The following CSMD3 variants were observed in gnomAD, a reference collection of about 807,000 sequenced individuals.
CSMD3 encodes the protein CUB and Sushi multiple domains 3.
In CSMD3, 177 loss-of-function variants were observed where a neutral mutation model predicts 435.2. The ratio of observed to expected loss-of-function variants is 0.41; its 90% CI spans 0.36 to 0.46. The LOEUF (loss-of-function observed/expected upper bound fraction) is 0.46. Ranked by LOEUF, CSMD3 falls within the 20% of genes least tolerant of loss-of-function variation. The pLI, the probability that CSMD3 is intolerant of heterozygous loss-of-function variation, is 0.34. For synonymous variants in CSMD3, 1,656 were observed against 1,520.5 expected (o/e 1.09, Z -2.07); for missense variants, 4,265 against 4,504.6 (o/e 0.95, Z 1.52).
intron 1 of CSMD3, among the ~76,000 whole-genome samples, chr8:113,321,523 T>C (rs1486909192): frequency 6.6e-6 from 1 of 152,172 alleles, no homozygotes; most frequent in Non-Finnish European, 1.5e-5. Flanking sequence ...CTTTTCTTTA[T>C]TGATACTTCT....
chr8:113,042,400 C>A (rs2087660800), intron 5 of CSMD3, among the ~76,000 whole-genome samples: 1 of 152,100 alleles, frequency 6.6e-6, no homozygotes, highest in East Asian at 1.9e-4. Flanking sequence ...TCTTTAATAT[C>A]TCTCAGTGAA....
At position 113,306,940 on chromosome 8, in the gene CSMD3, G is replaced by A. The variant is rs958080723; in HGVS notation, c.401+7631C>T. The stretch of plus-strand genomic sequence containing the variant: ...CAAGTTTGTATAATAAATATGAATT[G>A]TGACAGAATGTTACATATTTTAAAT... On this transcript the variant is annotated intron_variant, in intron 2 of 70. Transcript: ENST00000297405. Among the ~76,000 whole-genome samples, 3 of 151,910 alleles carry A rather than the reference G, an allele frequency of 2.0e-5. No individual in the cohort carries two copies. The South Asian group carries it at 6.2e-4, about 31-fold the overall frequency.
chr8:112,802,483 G>C (rs749764787), intron 12 of CSMD3, among the ~76,000 whole-genome samples: 1 of 151,848 alleles, frequency 6.6e-6, no homozygotes, highest in African/African-American at 2.4e-5. Context: ...TGTATGCAAT[G>C]GATTGTATAT....
chr8:112,315,211 T>C (rs1822350682), intron 47 of CSMD3, among the ~76,000 whole-genome samples: 1 of 151,934 alleles, frequency 6.6e-6, no homozygotes, highest in Non-Finnish European at 1.5e-5. Context: ...GCACAAACTC[T>C]TTTTATTTAA....
intron 28 of CSMD3, among the ~76,000 whole-genome samples, chr8:112,513,891 A>G (rs1414618079): frequency 6.6e-6 from 1 of 152,132 alleles, no homozygotes; most frequent in Non-Finnish European, 1.5e-5. Flanking sequence ...TAGAAGGAAC[A>G]TTGGTCTTTT....
At chr8:112,535,011 G>C (rs1447775526) in intron 27 of CSMD3, among the ~76,000 whole-genome samples, 1 of 152,050 alleles carries the variant, frequency 6.6e-6, no homozygotes, top group African/African-American at 2.4e-5. Flanking sequence ...CAATAAATTA[G>C]GTATTGATGG....
At chr8:113,059,372 C>T (rs142348976) in intron 5 of CSMD3, among the ~76,000 whole-genome samples, 9 of 152,234 alleles carry the variant, frequency 5.9e-5, no homozygotes, top group African/African-American at 1.7e-4. Flanking sequence ...GATCCTTTCA[C>T]AGTACCTTGA....
chr8:112,659,692 A>G (rs917869221), intron 17 of CSMD3, among the ~76,000 whole-genome samples: 4 of 152,162 alleles, frequency 2.6e-5, no homozygotes, highest in Admixed American at 6.5e-5. Context: ...ACAAAAACAA[A>G]AATTCCTTTG....
intron 5 of CSMD3, among the ~76,000 whole-genome samples, chr8:113,077,485 T>G (rs2089391247): frequency 6.6e-6 from 1 of 152,142 alleles, no homozygotes; most frequent in Admixed American, 6.5e-5. Flanking sequence ...GTGGATCACC[T>G]GAAGTTAGGA....
chr8:113,023,006 A>C (rs1217716646), intron 5 of CSMD3, among the ~76,000 whole-genome samples: 1 of 152,068 alleles, frequency 6.6e-6, no homozygotes, highest in African/African-American at 2.4e-5. Flanking sequence ...TTACAACATG[A>C]TTTTAAGAAT....
rs757548480 is a variant in CSMD3, at chr8:112,281,314, C to G, written c.9368G>C (p.Gly3123Ala). The G allele has an allele frequency of 6.2e-7, 1 of 1,613,230 alleles. No individual in the cohort carries two copies. Reference protein sequence around the residue: ...QCGNPGTTANGKVFRIDGTTF... With the variant: ...QCGNPGTTANAKVFRIDGTTF... ...TGTGCCATCAATTCGGAAGACTTTC[C>G]CATTGGCTGTGGTTCCTGGGTTACC... is the stretch of plus-strand genomic sequence containing the variant. Residue 3123 changes from glycine (G) to alanine (A), a missense_variant, in exon 59 of 71, where the codon GGG becomes GCG. Coordinates refer to ENST00000297405, the MANE Select transcript of CSMD3 (RefSeq NM_198123.2).
Position 112,921,727 on chromosome 8 carries a change from A to G in CSMD3, c.1533T>C (p.Ser511=), listed in dbSNP as rs144607569. ...DFSLGSTVQF[S]CDEDYVLQGA... is the part of the protein sequence containing the mutation. ...CCTGTAGGACATAATCTTCATCACAAGAGAACTGCACAGTTGATCCAAGGC... is the reference window on the plus strand; with the variant it reads ...CCTGTAGGACATAATCTTCATCACAGGAGAACTGCACAGTTGATCCAAGGC... The change falls in exon 10 of 71, where the codon TCT becomes TCC. Residue 511 remains serine, a synonymous_variant. Transcript: ENST00000297405. 1,033 of 1,609,880 alleles carry G rather than the reference A, an allele frequency of 6.4e-4. 1 individual carries two copies. Among genetic ancestry groups the G allele is most frequent in the Non-Finnish European group, 7.7e-4 (903 of 1,176,486 alleles).
At chr8:112,339,703 C>T (rs1247004633) in intron 42 of CSMD3, among the ~76,000 whole-genome samples, 1 of 152,060 alleles carries the variant, frequency 6.6e-6, no homozygotes, top group Non-Finnish European at 1.5e-5. Flanking sequence ...GATGGGTACT[C>T]TAAATTGTAC....
rs1164476446 is a variant in CSMD3 at position 112,556,754 on chromosome 8, G to A, written c.4234+9C>T. The A allele has an allele frequency of 1.9e-6, 3 of 1,591,224 alleles. No individual in the cohort carries two copies. The highest frequency in any genetic ancestry group is 2.6e-6 in the Non-Finnish European group (3 of 1,159,754). On this transcript the variant is annotated intron_variant, in intron 25 of 70. Transcript: ENST00000297405. ...AAATATTCAATGAAAATCTATGACA[G>A]TATCCTACCAATACAGGAAGGCAGA...
chr8:112,451,998 A>T (rs1436063099), intron 32 of CSMD3, among the ~76,000 whole-genome samples: 1 of 152,134 alleles, frequency 6.6e-6, no homozygotes, highest in African/African-American at 2.4e-5. Flanking sequence ...CATTTCCACC[A>T]CTGAACCAGT....
intron 31 of CSMD3, among the ~76,000 whole-genome samples, chr8:112,490,908 A>G (rs1398271237): frequency 3.3e-5 from 5 of 152,144 alleles, no homozygotes; most frequent in Non-Finnish European, 7.4e-5. Flanking sequence ...GGAACAATTA[A>G]TCCCAAAGTA....
At chr8:112,319,873 T>C (rs1214013038) in intron 46 of CSMD3, 28 bp downstream of exon 46, 1 of 1,506,036 alleles carries the variant, frequency 6.6e-7, no homozygotes, top group African/African-American at 1.4e-5. Flanking sequence ...GCAGTATGTT[T>C]TCCTTGAAAA....
At chr8:112,699,694 G>A (rs779199915) in intron 13 of CSMD3, among the ~76,000 whole-genome samples, 2 of 152,198 alleles carry the variant, frequency 1.3e-5, no homozygotes, top group Non-Finnish European at 2.9e-5. Flanking sequence ...GCCTCCTGGT[G>A]TGATGTCCTG....
At chr8:113,241,681 G>C (rs2093219482) in intron 3 of CSMD3, among the ~76,000 whole-genome samples, 1 of 151,084 alleles carries the variant, frequency 6.6e-6, no homozygotes, top group East Asian at 1.9e-4. Context: ...TTTCAGAAAA[G>C]AAAACACTTT....
Sources: gnomAD v4.1 joint callset for allele counts (sites outside exome capture counted in the v4.1 genomes callset) on GRCh38, gnomAD v4.1.1 for gene constraint, MANE v1.5 for transcripts, NCBI Gene and HGNC (gene_info 2026-07-23, HGNC 2026-07-21) for gene names.